STX12: variants seen among roughly 807,000 people sequenced by gnomAD.
STX12 encodes the protein syntaxin 12, also known as syntaxin-12.
STX12 carries 17 observed loss-of-function variants against 42.2 expected under a neutral mutation model. That is an observed-to-expected ratio of 0.40 (90% CI 0.28 to 0.60). The LOEUF (loss-of-function observed/expected upper bound fraction) is 0.60. STX12 is among the 20% of genes least tolerant of loss of function. The pLI, the probability that STX12 is intolerant of heterozygous loss-of-function variation, is 0.39. For missense variants in STX12, 297 were observed against 330.9 expected, an observed-to-expected ratio of 0.90 and a Z score of 0.79; for synonymous variants, 108 against 116.7, an observed-to-expected ratio of 0.93 and a Z score of 0.48.
chr1:27,794,665 T>A (rs1338494131), intron 3 of STX12, among the ~76,000 whole-genome samples: 1 of 152,150 alleles, frequency 6.6e-6, no homozygotes, highest in Non-Finnish European at 1.5e-5. Flanking sequence ...CCTATTATGA[T>A]CCTGTTTTGC....
At chr1:27,809,202 C>T (rs920571772) in intron 4 of STX12, among the ~76,000 whole-genome samples, 1 of 151,692 alleles carries the variant, frequency 6.6e-6, no homozygotes, top group Non-Finnish European at 1.5e-5. Flanking sequence ...GGCGTGGTGG[C>T]GTGCACCTGT....
chr1:27,797,783 A>G (rs895669992), intron 3 of STX12, among the ~76,000 whole-genome samples: 2 of 152,100 alleles, frequency 1.3e-5, no homozygotes, highest in Non-Finnish European at 2.9e-5. Context: ...GTTCATTGAC[A>G]ATACTTAACA....
rs1283773247 is a variant in STX12, at chr1:27,792,124, ATATC to A, written c.189-1405_189-1402del. Among the ~76,000 whole-genome samples the A allele has an allele frequency of 1.1e-3, 150 of 134,754 alleles. 1 individual carries two copies. The highest frequency in any genetic ancestry group is 4.0e-3 in the African/African-American group (134 of 33,672). The allele number at this position is 134,754 out of a possible 152,430, so 88.4% of individuals were successfully genotyped here. A position where few individuals can be genotyped will look rare whatever the true frequency, so the allele number is the denominator to read the frequency against. ...TATATAGTATATAAATATATAATAT[ATATC>A]TATATATGTATATATCTATATATGT... is the stretch of plus-strand genomic sequence containing the variant. On this transcript the variant is annotated intron_variant, in intron 2 of 8. Transcript: ENST00000373943.
intron 4 of STX12, among the ~76,000 whole-genome samples, chr1:27,805,019 C>G (rs888428053): frequency 6.0e-4 from 91 of 152,160 alleles, no homozygotes; most frequent in African/African-American, 2.0e-3. Context: ...GGGAAAGCCC[C>G]TTATAAAACC....
chr1:27,778,638 C>T (rs1330657643), intron 1 of STX12, among the ~76,000 whole-genome samples: 1 of 151,070 alleles, frequency 6.6e-6, no homozygotes, highest in South Asian at 2.1e-4. Flanking sequence ...TTGCAGTAAA[C>T]CAAGACCAAG....
chr1:27,814,858 A>G (rs142428450), intron 6 of STX12, among the ~76,000 whole-genome samples: 3,333 of 151,286 alleles, frequency 0.022, 107 homozygotes, highest in African/African-American at 0.075. Flanking sequence ...AAAAAAATAC[A>G]GTTGGCCCTC....
In STX12 at chr1:27,807,882, CAG is replaced by C. The variant is rs577736729; in HGVS notation, c.427-2360_427-2359del. ...ATTGAACCACAGTTACATTCAGTAT[CAG>C]AGATGGATCTGGCATAATCTGGAAT... is the stretch of plus-strand genomic sequence containing the variant. On this transcript the variant is annotated intron_variant, in intron 4 of 8. Coordinates refer to ENST00000373943, the MANE Select transcript of STX12 (RefSeq NM_177424.3). Among the ~76,000 whole-genome samples the C allele has an allele frequency of 1.3e-3, 203 of 152,220 alleles. 2 individuals are homozygous for C. The highest frequency in any genetic ancestry group is 4.8e-3 in the African/African-American group (198 of 41,524).
chr1:27,811,027 A>G (rs887170999), intron 5 of STX12, among the ~76,000 whole-genome samples: 1 of 152,088 alleles, frequency 6.6e-6, no homozygotes, highest in African/African-American at 2.4e-5. Flanking sequence ...AATGCTTGAA[A>G]ATAAAGAGGC....
rs200354246 is a variant in STX12 at position 27,803,549 on chromosome 1, A to G, written c.426+1734A>G. On this transcript the variant is annotated intron_variant, in intron 4 of 8. Transcript: ENST00000373943. ...AGCACATCTTATTGAAGGAAATTCT[A>G]AATAATGTATTTCAGATGGAAGGAA... Among the ~76,000 whole-genome samples, 12 of 152,216 alleles carry G rather than the reference A, an allele frequency of 7.9e-5. No individual in the cohort carries two copies. In the East Asian group the frequency reaches 2.3e-3, roughly 29 times the overall value.
intron 3 of STX12, among the ~76,000 whole-genome samples, chr1:27,800,776 C>G (rs1206121742): frequency 1.3e-5 from 2 of 152,038 alleles, no homozygotes; most frequent in African/African-American, 4.8e-5. Context: ...GCCTCAGCCT[C>G]CCAAAATACT....
chr1:27,811,125 G>A (rs930290925), intron 5 of STX12, among the ~76,000 whole-genome samples: 1 of 151,798 alleles, frequency 6.6e-6, no homozygotes, highest in South Asian at 2.1e-4. Context: ...TTCGAGACCA[G>A]CCTGGCCAAC....
chr1:27,789,750 G>A, intron 2 of STX12, 119 bp downstream of exon 2: 1 of 698,782 alleles, frequency 1.4e-6, no homozygotes, highest in East Asian at 2.8e-5. Flanking sequence ...AGTGGGTCAT[G>A]AGATAAGAGC....
intron 1 of STX12, among the ~76,000 whole-genome samples, chr1:27,783,092 A>AATTTGACTTTG (rs11271836): frequency 2.6e-5 from 4 of 152,082 alleles, no homozygotes. Context: ...CTTTCAATAT[A>AATTTGACTTTG]ATTTGACTTT....
At chr1:27,803,739 C>G (rs977644908) in intron 4 of STX12, among the ~76,000 whole-genome samples, 22 of 152,206 alleles carry the variant, frequency 1.4e-4, no homozygotes, top group African/African-American at 4.8e-4. Context: ...CGTGGTGGCT[C>G]ACACCTGTAA....
At chr1:27,812,026 C>T in intron 5 of STX12, 137 bp from the exon 6 acceptor site, 2 of 751,728 alleles carry the variant, frequency 2.7e-6, no homozygotes, top group Non-Finnish European at 4.7e-6. Context: ...TGTGGCCCTC[C>T]AAGACTTTAT....
At chr1:27,803,741 C>A (rs1368022809) in intron 4 of STX12, among the ~76,000 whole-genome samples, 2 of 152,204 alleles carry the variant, frequency 1.3e-5, no homozygotes, top group Non-Finnish European at 2.9e-5. Context: ...TGGTGGCTCA[C>A]ACCTGTAATC....
intron 3 of STX12, among the ~76,000 whole-genome samples, chr1:27,798,074 AATT>A (rs1191155860): frequency 1.3e-5 from 2 of 152,184 alleles, no homozygotes; most frequent in Non-Finnish European, 2.9e-5. Flanking sequence ...TAGATAAATG[AATT>A]ATTATGTAAA....
Position 27,816,273 on chromosome 1 carries a change from C to T in STX12, c.577-1578C>T, listed in dbSNP as rs568943463. ...AAGTTGCAGTGAGCCGAGATTGCAC[C>T]ATTGCACTCCAGCCTAGCAACAAGA... On this transcript the variant is annotated intron_variant, in intron 6 of 8. Coordinates refer to ENST00000373943, the MANE Select transcript of STX12 (RefSeq NM_177424.3). Among the ~76,000 whole-genome samples the T allele has an allele frequency of 3.3e-3, 499 of 151,872 alleles. 3 individuals carry two copies. The highest frequency in any genetic ancestry group is 0.011 in the African/African-American group (472 of 41,424).
intron 2 of STX12, among the ~76,000 whole-genome samples, chr1:27,792,196 A>G (rs1333897874): frequency 1.4e-4 from 18 of 132,700 alleles, no homozygotes; most frequent in African/African-American, 4.5e-4. Context: ...CTATATATGT[A>G]TATACATATA....
Sources: gnomAD v4.1 joint callset for allele counts (sites outside exome capture counted in the v4.1 genomes callset) on GRCh38, gnomAD v4.1.1 for gene constraint, MANE v1.5 for transcripts, NCBI Gene and HGNC (gene_info 2026-07-23, HGNC 2026-07-21) for gene names.